The following EPB41 variants were observed in gnomAD, a reference collection of about 807,000 sequenced individuals.
EPB41 encodes erythrocyte membrane protein band 4.1.
Under a neutral mutation model 108.0 loss-of-function variants are expected in EPB41, and 65 were observed. That is an observed-to-expected ratio of 0.60 (90% CI 0.49 to 0.74). The LOEUF (loss-of-function observed/expected upper bound fraction) is 0.74, where lower values mean the gene tolerates loss of function less well. EPB41 is among the 30% of genes least tolerant of loss of function. The pLI is 0.00. For missense variants in EPB41, 875 were observed against 1,037.0 expected (o/e 0.84, Z 2.15); for synonymous variants, 336 against 358.9 (o/e 0.94, Z 0.72).
At chr1:28,938,047 C>T (rs535692019) in intron 1 of EPB41, among the ~76,000 whole-genome samples, 10 of 152,278 alleles carry the variant, frequency 6.6e-5, no homozygotes, top group Middle Eastern at 3.4e-3. Context: ...AGTTCCATTC[C>T]GTTGATCTAC....
intron 1 of EPB41, among the ~76,000 whole-genome samples, chr1:28,966,016 C>G (rs1043997862): frequency 6.6e-6 from 1 of 151,938 alleles, no homozygotes; most frequent in Non-Finnish European, 1.5e-5. Context: ...AACCTCATCT[C>G]TACTAAAAAT....
upstream of EPB41, among the ~76,000 whole-genome samples, chr1:28,912,026 A>T (rs147152371): frequency 0.012 from 1,874 of 152,278 alleles, 34 homozygotes; most frequent in African/African-American, 0.043. Flanking sequence ...AGCCTGGGCA[A>T]AAAGAGCGAA....
chr1:28,969,903 A>AAAAC (rs372402669), intron 1 of EPB41, among the ~76,000 whole-genome samples: 4 of 152,160 alleles, frequency 2.6e-5, no homozygotes, highest in Non-Finnish European at 5.9e-5. Flanking sequence ...TCTGTCTCAA[A>AAAAC]AAACAAACAA....
chr1:29,112,124 G>C (rs1004706829), intron 18 of EPB41, among the ~76,000 whole-genome samples: 2 of 152,048 alleles, frequency 1.3e-5, no homozygotes, highest in Admixed American at 6.6e-5. Context: ...TTAAAATTTG[G>C]AGTGGAGCTT....
chr1:29,089,050 T>C (rs1161558456), intron 16 of EPB41, among the ~76,000 whole-genome samples: 3 of 152,210 alleles, frequency 2.0e-5, no homozygotes, highest in East Asian at 3.8e-4. Flanking sequence ...GAACCAGAGA[T>C]AGATCTGAGT....
At chr1:29,097,783 A>C in intron 16 of EPB41, 24 bp from the exon 17 acceptor site, 1 of 1,613,188 alleles carries the variant, frequency 6.2e-7, no homozygotes, top group Non-Finnish European at 8.5e-7. Flanking sequence ...ATACTCTAGT[A>C]ACTCTTTCCT....
chr1:29,118,193 C>T lies in EPB41; in HGVS notation c.*1381C>T, dbSNP rs377366417. 633 of 152,628 alleles carry T rather than the reference C, an allele frequency of 4.1e-3. 2 individuals carry two copies. The highest frequency in any genetic ancestry group is 6.1e-3 in the Non-Finnish European group (414 of 68,294). 9.5% of individuals were successfully genotyped at this position (152,628 alleles called of 1,614,324 possible). A position where few individuals can be genotyped will look rare whatever the true frequency, so the allele number is the denominator to read the frequency against. On this transcript the variant is annotated 3_prime_UTR_variant, in exon 21 of 21. Coordinates refer to ENST00000343067, the MANE Select transcript of EPB41 (RefSeq NM_001376013.1). The stretch of plus-strand genomic sequence containing the variant: ...CGCGATCTCGGCTCACTGCAACCTC[C>T]GCCTCCTGGGTTCAAGCAGTTCTCT...
At chr1:28,974,172 C>T (rs1336317645) in intron 1 of EPB41, among the ~76,000 whole-genome samples, 1 of 152,120 alleles carries the variant, frequency 6.6e-6, no homozygotes, top group Non-Finnish European at 1.5e-5. Context: ...ATTTAAGATG[C>T]AATATAAATA....
intron 1 of EPB41, among the ~76,000 whole-genome samples, chr1:28,945,124 C>T (rs2094448488): frequency 6.6e-6 from 1 of 150,990 alleles, no homozygotes; most frequent in African/African-American, 2.4e-5. Flanking sequence ...AGAATATAAT[C>T]CTGTTTATAA....
At chr1:29,110,032 C>T (rs1385582951) in intron 18 of EPB41, among the ~76,000 whole-genome samples, 1 of 145,544 alleles carries the variant, frequency 6.9e-6, no homozygotes, top group African/African-American at 2.6e-5. Context: ...GACTCTATCT[C>T]AATAGAAAGT....
At chr1:28,889,220 G>C (rs891785750) in intron 1 of EPB41, among the ~76,000 whole-genome samples, 1 of 152,208 alleles carries the variant, frequency 6.6e-6, no homozygotes, top group Non-Finnish European at 1.5e-5. Context: ...AGACCAGAAC[G>C]GTAGCTGGTC....
At chr1:29,054,300 T>C (rs376708949) in intron 12 of EPB41, 5 of 152,228 alleles carry the variant, frequency 3.3e-5, no homozygotes, top group African/African-American at 1.2e-4. Flanking sequence ...CTAGCTCAGA[T>C]TTATTGAAAT....
At chr1:28,974,012 T>C (rs2095548403) in intron 1 of EPB41, among the ~76,000 whole-genome samples, 2 of 152,226 alleles carry the variant, frequency 1.3e-5, no homozygotes, top group African/African-American at 4.8e-5. Flanking sequence ...GCAGCAATCA[T>C]TTTCCTGCTT....
chr1:28,913,967 C>T (rs1254523709), upstream of EPB41, among the ~76,000 whole-genome samples: 1 of 152,154 alleles, frequency 6.6e-6, no homozygotes, highest in Non-Finnish European at 1.5e-5. Flanking sequence ...GTGGTCTCAA[C>T]ACTTAGCTTC....
At chr1:29,049,659 T>G (rs1644146059) in intron 11 of EPB41, among the ~76,000 whole-genome samples, 1 of 152,216 alleles carries the variant, frequency 6.6e-6, no homozygotes, top group South Asian at 2.1e-4. Context: ...AAGTAGAAGT[T>G]GTTTGCCTTT....
chr1:28,888,435 A>ATC (rs2089702076), intron 1 of EPB41, among the ~76,000 whole-genome samples: 1 of 152,070 alleles, frequency 6.6e-6, no homozygotes, highest in African/African-American at 2.4e-5. Flanking sequence ...TGGGGAAGGG[A>ATC]TCTGCAGGAG....
At position 28,959,941 on chromosome 1, in the gene EPB41, C is replaced by T. The variant is rs1304543775; in HGVS notation, c.-7-27490C>T. ...GATCTGCCTGCCTTGACCTCCCTCC[C>T]AAAGTGCTGGGATTACAGGCGTGAG... On this transcript the variant is annotated intron_variant, in intron 1 of 20. Coordinates refer to ENST00000343067, the MANE Select transcript of EPB41 (RefSeq NM_001376013.1). Among the ~76,000 whole-genome samples, 3 of 151,202 alleles carry T rather than the reference C, an allele frequency of 2.0e-5. No individual in the cohort carries two copies. The East Asian group carries it at 5.8e-4, about 29-fold the overall frequency.
At chr1:28,960,707 G>A (rs1397224056) in intron 1 of EPB41, among the ~76,000 whole-genome samples, 1 of 151,612 alleles carries the variant, frequency 6.6e-6, no homozygotes, top group Admixed American at 6.6e-5. Context: ...TCCAGCCTGG[G>A]CGACAGAGAT....
intron 17 of EPB41, among the ~76,000 whole-genome samples, chr1:29,105,857 C>T (rs886724091): frequency 1.1e-4 from 17 of 150,114 alleles, no homozygotes; most frequent in Non-Finnish European, 2.2e-4. Flanking sequence ...AAGCGATCCT[C>T]CTGCCTCAGC....
Sources: gnomAD v4.1 joint callset for allele counts (sites outside exome capture counted in the v4.1 genomes callset) on GRCh38, gnomAD v4.1.1 for gene constraint, MANE v1.5 for transcripts, NCBI Gene and HGNC (gene_info 2026-07-23, HGNC 2026-07-21) for gene names.